Variants in NPHP1 observed in about 807,000 individuals in gnomAD.
The protein encoded by NPHP1 is nephrocystin-1.
In NPHP1, 70 loss-of-function variants were observed where a neutral mutation model predicts 90.4. The observed-to-expected ratio is 0.77, with a 90% CI of 0.64 to 0.95. The LOEUF (loss-of-function observed/expected upper bound fraction) is 0.95. Ranked by LOEUF, NPHP1 falls within the 40% of genes least tolerant of loss-of-function variation. The pLI is 0.00. For missense variants in NPHP1, 764 were observed against 795.9 expected (o/e 0.96, Z 0.48); for synonymous variants, 256 against 271.7 (o/e 0.94, Z 0.57).
chr2:110,161,381 T>C (rs549373989), intron 10 of NPHP1, among the ~76,000 whole-genome samples: 1 of 152,278 alleles, frequency 6.6e-6, no homozygotes, highest in Non-Finnish European at 1.5e-5. Flanking sequence ...ATTTCCTTTC[T>C]AACAATGAGA....
chr2:110,184,331 T>C (rs938387479), intron 2 of NPHP1: 15 of 611,796 alleles, frequency 2.5e-5, no homozygotes, highest in African/African-American at 2.4e-4. Flanking sequence ...TCTGGCAATA[T>C]GTCTATTCTA....
chr2:110,161,793 C>T, intron 9 of NPHP1, 96 bp from the exon 10 acceptor site: 1 of 819,858 alleles, frequency 1.2e-6, no homozygotes. Context: ...ACAGGCACTT[C>T]CAAAATGCCA....
At chr2:110,194,997 G>A (rs1685052417) in intron 2 of NPHP1, among the ~76,000 whole-genome samples, 1 of 152,094 alleles carries the variant, frequency 6.6e-6, no homozygotes, top group Admixed American at 6.6e-5. Flanking sequence ...AGGTATTGAT[G>A]GGACGTATCT....
Position 110,163,077 on chromosome 2 carries a change from G to T in NPHP1, c.830C>A (p.Pro277His). Reference protein sequence around the residue: ...TMGAIPAGFRPSTLSQLLEEG... With the variant: ...TMGAIPAGFRHSTLSQLLEEG... ...CTCCAGAAGCTGTGAGAGCGTGGAA[G>T]GCCTGAACCCTGCAGGAATAGCTCC... is the stretch of plus-strand genomic sequence containing the variant. Residue 277 changes from proline to histidine, a missense_variant, in exon 9 of 20, where the codon CCT becomes CAT. By Grantham distance (77) the Pro-to-His change is moderately conservative. Coordinates refer to ENST00000445609, the MANE Select transcript of NPHP1 (RefSeq NM_001128178.3). The T allele has an allele frequency of 6.2e-7, 1 of 1,613,576 alleles. No individual in the cohort carries two copies. The highest frequency in any genetic ancestry group is 2.2e-5 in the East Asian group (1 of 44,880).
chr2:110,169,753 T>C, intron 5 of NPHP1, 53 bp downstream of exon 5: 1 of 1,217,736 alleles, frequency 8.2e-7, no homozygotes, highest in Non-Finnish European at 1.2e-6. Flanking sequence ...TTTCTTATTC[T>C]GTTAGGTATG....
At chr2:110,131,961 C>T (rs1679816281) in intron 16 of NPHP1, among the ~76,000 whole-genome samples, 170 bp from the exon 17 acceptor site, 1 of 152,160 alleles carries the variant, frequency 6.6e-6, no homozygotes, top group Non-Finnish European at 1.5e-5. Flanking sequence ...CATTAAATTT[C>T]AGATAACTTT....
intron 2 of NPHP1, among the ~76,000 whole-genome samples, chr2:110,182,654 G>A (rs1033491671): frequency 2.9e-4 from 44 of 152,032 alleles, no homozygotes; most frequent in African/African-American, 8.2e-4. Context: ...GACTAAATAC[G>A]GAAAGGAGAA....
chr2:110,174,659 T>A (rs1024417029), intron 4 of NPHP1, among the ~76,000 whole-genome samples: 6 of 152,106 alleles, frequency 3.9e-5, no homozygotes, highest in African/African-American at 1.4e-4. Flanking sequence ...TGGTCATTTG[T>A]GGACATACAC....
intron 11 of NPHP1, among the ~76,000 whole-genome samples, chr2:110,153,848 TAGTGAGCACCTGTAATCTC>T (rs1681678404): frequency 6.6e-6 from 1 of 151,958 alleles, no homozygotes; most frequent in African/African-American, 2.4e-5. Context: ...CTGGGTGTGG[TAGTGAGCACCTGTAATCTC>T]AGCTACTAGA....
At chr2:110,146,941 C>T in intron 13 of NPHP1, 106 bp from the exon 14 acceptor site, 1 of 780,224 alleles carries the variant, frequency 1.3e-6, no homozygotes. Context: ...ACCTTTAGAA[C>T]TAAAAAGTTC....
chr2:110,164,924 T>C (rs552597848), intron 7 of NPHP1, 128 bp downstream of exon 7: 6 of 885,532 alleles, frequency 6.8e-6, no homozygotes, highest in Non-Finnish European at 1.1e-5. Context: ...AAGCAGACAA[T>C]AGTATGAAAA....
At chr2:110,125,324 C>G in intron 19 of NPHP1, 1 of 1,522,024 alleles carries the variant, frequency 6.6e-7, no homozygotes, top group Non-Finnish European at 8.7e-7. Context: ...GCTTTGAGAG[C>G]TAGAGAAGTT....
intron 16 of NPHP1, among the ~76,000 whole-genome samples, chr2:110,133,133 A>T (rs544960380): frequency 2.0e-5 from 3 of 152,268 alleles, no homozygotes; most frequent in East Asian, 3.9e-4. Flanking sequence ...CACTAAAAAA[A>T]CACGATTTAA....
chr2:110,144,318 G>C lies in NPHP1; in HGVS notation c.1429+175C>G. ...TTCATGATGTCTTAGAGTCTCATAT[G>C]TGTTACCAAGAAAATAAGTACTTAA... On this transcript the variant is annotated intron_variant, in intron 15 of 19. Transcript: ENST00000445609. 5.0e-6 allele frequency: 3 copies of C among 600,502 alleles called. No homozygotes were observed. In the South Asian group the frequency reaches 6.2e-5, roughly 12 times the overall value. 37.2% of individuals were successfully genotyped at this position (600,502 alleles called of 1,614,324 possible). A position where few individuals can be genotyped will look rare whatever the true frequency, so the allele number is the denominator to read the frequency against.
rs112898069 is a variant in NPHP1 at position 110,157,513 on chromosome 2, T to G, written c.1083+2614A>C. Among the ~76,000 whole-genome samples the G allele has an allele frequency of 3.3e-3, 495 of 152,198 alleles. 2 individuals carry two copies. Among genetic ancestry groups the G allele is most frequent in the Non-Finnish European group, 5.7e-3 (389 of 68,004 alleles). Reference sequence around the variant, plus strand: ...GGGGGTTAGCAGTATACTCAGCATGTGCAAAACCAAGCCCATGTCAACTCC... The same window carrying G: ...GGGGGTTAGCAGTATACTCAGCATGGGCAAAACCAAGCCCATGTCAACTCC... On this transcript the variant is annotated intron_variant, in intron 11 of 19. Transcript: ENST00000445609.
chr2:110,124,261 T>A (rs748547894), intron 19 of NPHP1, 198 bp from the exon 20 acceptor site: 7 of 654,466 alleles, frequency 1.1e-5, no homozygotes, highest in African/African-American at 1.8e-5. Flanking sequence ...CAGAGTACAG[T>A]GGAGCAGTTC....
intron 11 of NPHP1, among the ~76,000 whole-genome samples, chr2:110,152,373 G>C (rs992971750): frequency 2.6e-5 from 4 of 151,860 alleles, no homozygotes; most frequent in African/African-American, 9.7e-5. Context: ...ATGAAGCAAT[G>C]AAGCAGTGAT....
chr2:110,182,290 A>G (rs1683960438), intron 2 of NPHP1, among the ~76,000 whole-genome samples: 1 of 152,052 alleles, frequency 6.6e-6, no homozygotes, highest in Non-Finnish European at 1.5e-5. Flanking sequence ...AGAGAACCCC[A>G]GTAAGGTACT....
intron 4 of NPHP1, among the ~76,000 whole-genome samples, chr2:110,173,084 G>A (rs1574146933): frequency 6.7e-6 from 1 of 150,108 alleles, no homozygotes; most frequent in Non-Finnish European, 1.5e-5. Flanking sequence ...TCCGACTCCC[G>A]AGTAGCTGGG....
Sources: gnomAD v4.1 joint callset for allele counts (sites outside exome capture counted in the v4.1 genomes callset) on GRCh38, gnomAD v4.1.1 for gene constraint, MANE v1.5 for transcripts, NCBI Gene and HGNC (gene_info 2026-07-23, HGNC 2026-07-21) for gene names.